Variants in KCNN2 observed in about 807,000 individuals in gnomAD.
The protein encoded by KCNN2 is potassium calcium-activated channel subfamily N member 2, also known as small conductance calcium-activated potassium channel protein 2.
Under a neutral mutation model 55.5 loss-of-function variants are expected in KCNN2, and 24 were observed. That is an observed-to-expected ratio of 0.43 (90% CI 0.31 to 0.61). KCNN2 has a LOEUF of 0.61. Ranked by LOEUF, KCNN2 falls within the 20% of genes least tolerant of loss-of-function variation. KCNN2 has a pLI of 0.08. For synonymous variants in KCNN2, 431 were observed against 336.1 expected (o/e 1.28, Z -3.09); for missense variants, 754 against 853.6 (o/e 0.88, Z 1.45).
intron 2 of KCNN2, among the ~76,000 whole-genome samples, chr5:114,297,210 T>G (rs1393399882): frequency 6.6e-6 from 1 of 152,074 alleles, no homozygotes; most frequent in Non-Finnish European, 1.5e-5. Flanking sequence ...TCCTAACTAC[T>G]AGGAGGCAGA....
intron 2 of KCNN2, among the ~76,000 whole-genome samples, chr5:114,273,778 T>C (rs1310228342): frequency 6.6e-6 from 1 of 152,124 alleles, no homozygotes; most frequent in South Asian, 2.1e-4. Flanking sequence ...ATTGCAAAAA[T>C]TTTCTCCCAT....
intron 3 of KCNN2, among the ~76,000 whole-genome samples, chr5:114,433,024 C>T (rs1192414736): frequency 2.0e-5 from 3 of 152,156 alleles, no homozygotes; most frequent in Non-Finnish European, 4.4e-5. Flanking sequence ...CCCTGCTCCA[C>T]GGTGCCCAGT....
intron 3 of KCNN2, among the ~76,000 whole-genome samples, chr5:114,425,516 C>G (rs1759594629): frequency 6.6e-6 from 1 of 152,146 alleles, no homozygotes; most frequent in African/African-American, 2.4e-5. Context: ...AATAACCTTG[C>G]ACCCTCTCCC....
chr5:114,483,482 G>A (rs191968384), intron 5 of KCNN2, among the ~76,000 whole-genome samples: 5 of 151,838 alleles, frequency 3.3e-5, no homozygotes, highest in Non-Finnish European at 5.9e-5. Flanking sequence ...CTAGATGTTG[G>A]CCACGCTGGT....
At chr5:114,177,779 T>C (rs1753165824) in intron 1 of KCNN2, among the ~76,000 whole-genome samples, 1 of 152,162 alleles carries the variant, frequency 6.6e-6, no homozygotes, top group South Asian at 2.1e-4. Flanking sequence ...GCAATCCTAG[T>C]ATTCTGTTTT....
At chr5:114,352,092 A>G (rs1174479891) in intron 2 of KCNN2, among the ~76,000 whole-genome samples, 2 of 151,836 alleles carry the variant, frequency 1.3e-5, no homozygotes, top group Non-Finnish European at 3.0e-5. Flanking sequence ...AAAATTTCTA[A>G]TACAATTACT....
chr5:114,256,636 A>AT (rs924858727), intron 2 of KCNN2, among the ~76,000 whole-genome samples: 2 of 151,912 alleles, frequency 1.3e-5, no homozygotes, highest in South Asian at 2.1e-4. Flanking sequence ...GATGTTGGGC[A>AT]TTTTTTCATA....
chr5:114,212,896 G>A (rs929807109), intron 1 of KCNN2, among the ~76,000 whole-genome samples: 3 of 151,980 alleles, frequency 2.0e-5, no homozygotes, highest in Admixed American at 2.0e-4. Context: ...TTATGTGAAT[G>A]TTTTTATAGT....
At chr5:114,234,810 C>G (rs997575164) in intron 2 of KCNN2, among the ~76,000 whole-genome samples, 1 of 152,088 alleles carries the variant, frequency 6.6e-6, no homozygotes, top group East Asian at 1.9e-4. Context: ...CTGGAACTGA[C>G]TTAGGGAGCA....
At chr5:114,069,972 A>G (rs1016501983) in intron 1 of KCNN2, among the ~76,000 whole-genome samples, 4 of 152,174 alleles carry the variant, frequency 2.6e-5, no homozygotes, top group African/African-American at 9.7e-5. Flanking sequence ...ATATATGAAT[A>G]TATCTCACTT....
chr5:114,141,326 G>A (rs1752274977), intron 1 of KCNN2, among the ~76,000 whole-genome samples: 1 of 151,812 alleles, frequency 6.6e-6, no homozygotes, highest in African/African-American at 2.4e-5. Context: ...TCCCCTTCCT[G>A]TGTCCATGTG....
intron 2 of KCNN2, among the ~76,000 whole-genome samples, chr5:114,303,211 C>G (rs1278521574): frequency 6.6e-6 from 1 of 152,182 alleles, no homozygotes; most frequent in Non-Finnish European, 1.5e-5. Context: ...TACTTGGTAT[C>G]AGACACTCTA....
At chr5:114,113,746 T>G (rs1205647633) in intron 1 of KCNN2, among the ~76,000 whole-genome samples, 2 of 152,082 alleles carry the variant, frequency 1.3e-5, no homozygotes, top group Non-Finnish European at 2.9e-5. Flanking sequence ...ATCCAGGTTA[T>G]TTTAGTAAGG....
At chr5:114,392,880 TG>T (rs1758494016) in intron 2 of KCNN2, among the ~76,000 whole-genome samples, 1 of 151,726 alleles carries the variant, frequency 6.6e-6, no homozygotes, top group Non-Finnish European at 1.5e-5. Flanking sequence ...TTTTGTTTTT[TG>T]TTTTTTTTAA....
At chr5:114,426,768 T>C (rs1454831279) in intron 3 of KCNN2, among the ~76,000 whole-genome samples, 1 of 152,198 alleles carries the variant, frequency 6.6e-6, no homozygotes, top group African/African-American at 2.4e-5. Context: ...AATGGTATCA[T>C]ATAGGGGAGG....
At position 114,452,662 on chromosome 5, in the gene KCNN2, G is replaced by A. The variant is rs561841161; in HGVS notation, c.1638-10387G>A. On this transcript the variant is annotated intron_variant, in intron 3 of 7. Coordinates refer to ENST00000673685, the MANE Select transcript of KCNN2 (RefSeq NM_021614.4). Reference sequence around the variant, plus strand: ...CCTGTGCCATGGCTTCACCCCCGGAGACCTCAGCTTCATTGTTTACGGATG... The same window carrying A: ...CCTGTGCCATGGCTTCACCCCCGGAAACCTCAGCTTCATTGTTTACGGATG... 2.0e-5 allele frequency among the ~76,000 whole-genome samples: 3 copies of A among 152,270 alleles called. No individual in the cohort carries two copies. In the East Asian group the frequency reaches 5.8e-4, roughly 29 times the overall value.
chr5:114,226,036 T>C lies in KCNN2; in HGVS notation c.-185+4471T>C, dbSNP rs986742003. ...TATCCGGGACTAAAATCCCCAAAGA[T>C]CTCACAGAAGAAACAGTGAGTCAGG... On this transcript the variant is annotated intron_variant, in intron 2 of 10. Transcript: ENST00000512097. Among the ~76,000 whole-genome samples the C allele has an allele frequency of 2.0e-3, 309 of 152,138 alleles. 3 individuals carry two copies. The highest frequency in any genetic ancestry group is 2.5e-4 in the Non-Finnish European group (17 of 67,986).
intron 1 of KCNN2, among the ~76,000 whole-genome samples, chr5:114,121,232 C>G (rs1308419431): frequency 6.6e-6 from 1 of 152,130 alleles, no homozygotes; most frequent in Non-Finnish European, 1.5e-5. Context: ...TCCCAGGGTT[C>G]CATGGCTGGA....
intron 2 of KCNN2, among the ~76,000 whole-genome samples, chr5:114,321,262 C>T (rs1184832868): frequency 6.6e-6 from 1 of 152,136 alleles, no homozygotes; most frequent in Non-Finnish European, 1.5e-5. Context: ...CTCAATTTTT[C>T]ACCTTAATCT....
Sources: allele counts gnomAD v4.1 joint callset (sites outside exome capture counted in the v4.1 genomes callset), GRCh38; gene constraint gnomAD v4.1.1; transcripts MANE v1.5; gene names NCBI Gene and HGNC (gene_info 2026-07-23, HGNC 2026-07-21).